SOX5: variants seen among roughly 807,000 people sequenced by gnomAD.
The protein encoded by SOX5 is transcription factor SOX-5.
Under a neutral mutation model 92.0 loss-of-function variants are expected in SOX5, and 9 were observed. That is an observed-to-expected ratio of 0.10 (90% confidence interval 0.06 to 0.17). SOX5 has a LOEUF of 0.17. Ranked by LOEUF, SOX5 falls within the 10% of genes least tolerant of loss-of-function variation. The pLI is 1.00. For synonymous variants in SOX5, 344 were observed against 336.3 expected (o/e 1.02, Z -0.25); for missense variants, 642 against 944.5 (o/e 0.68, Z 4.20).
At chr12:23,863,562 A>G (rs1357982068) in intron 2 of SOX5, among the ~76,000 whole-genome samples, 3 of 152,138 alleles carry the variant, frequency 2.0e-5, no homozygotes, top group Non-Finnish European at 4.4e-5. Context: ...TTTTAATTTT[A>G]CTAACCTTAC....
At chr12:23,650,275 G>C (rs1411942248) in intron 7 of SOX5, among the ~76,000 whole-genome samples, 1 of 152,132 alleles carries the variant, frequency 6.6e-6, no homozygotes, top group African/African-American at 2.4e-5. Context: ...TTACTGAGGT[G>C]TCTCTTAAAA....
At chr12:24,469,915 G>C (rs11047464) in intron 1 of SOX5, among the ~76,000 whole-genome samples, 1 of 151,872 alleles carries the variant, frequency 6.6e-6, no homozygotes, top group Non-Finnish European at 1.5e-5. Flanking sequence ...GGCTGGAAGC[G>C]GTAAGCAAAT....
chr12:23,806,915 A>G (rs1299308952), intron 3 of SOX5, among the ~76,000 whole-genome samples: 2 of 152,168 alleles, frequency 1.3e-5, no homozygotes, highest in African/African-American at 4.8e-5. Context: ...ACAAGGAAGA[A>G]GAGTGTGTTT....
At chr12:23,583,450 CAAT>C (rs1950306606) in intron 9 of SOX5, among the ~76,000 whole-genome samples, 2 of 152,026 alleles carry the variant, frequency 1.3e-5, no homozygotes, top group African/African-American at 4.8e-5. Flanking sequence ...CTCGTGTCAA[CAAT>C]AATGTGTGAT....
At chr12:24,085,314 A>G (rs940129680) in intron 4 of SOX5, among the ~76,000 whole-genome samples, 2 of 152,068 alleles carry the variant, frequency 1.3e-5, no homozygotes, top group African/African-American at 4.8e-5. Context: ...GGACTCTGCT[A>G]TATGTGCCCC....
chr12:23,787,333 T>C (rs1055746138), intron 3 of SOX5, among the ~76,000 whole-genome samples: 5 of 151,998 alleles, frequency 3.3e-5, no homozygotes, highest in Non-Finnish European at 4.4e-5. Context: ...TCGTCTGCTC[T>C]GTGAACAAAC....
At chr12:24,212,042 T>A (rs1958673020) in intron 4 of SOX5, among the ~76,000 whole-genome samples, 1 of 152,152 alleles carries the variant, frequency 6.6e-6, no homozygotes, top group Non-Finnish European at 1.5e-5. Context: ...CATTGAAGAG[T>A]GGTTCTTAAC....
rs1357977449 is a variant in SOX5 at position 23,540,317 on chromosome 12, G to A, written c.1771+2894C>T. On this transcript the variant is annotated intron_variant, in intron 13 of 14. Coordinates refer to ENST00000451604, the MANE Select transcript of SOX5 (RefSeq NM_006940.6). ...ACCAGCATGGCACATGTATACATAT[G>A]TAACTAACCTGCACATGGTGGACAT... Among the ~76,000 whole-genome samples, 5 of 150,502 alleles carry A rather than the reference G, an allele frequency of 3.3e-5. No individual in the cohort carries two copies. The East Asian group carries it at 7.8e-4, about 23-fold the overall frequency.
At chr12:24,167,586 T>C (rs1953566367) in intron 4 of SOX5, among the ~76,000 whole-genome samples, 1 of 152,234 alleles carries the variant, frequency 6.6e-6, no homozygotes, top group African/African-American at 2.4e-5. Context: ...CTAAGAATTC[T>C]ACTTGAGAAT....
intron 3 of SOX5, among the ~76,000 whole-genome samples, chr12:23,843,761 A>C (rs2096544947): frequency 6.6e-6 from 1 of 151,654 alleles, no homozygotes; most frequent in African/African-American, 2.4e-5. Flanking sequence ...ACGGGGTTTC[A>C]CCATGTTGGC....
rs1418661805 is a variant in SOX5 at position 23,543,317 on chromosome 12, G to A, written c.1665C>T (p.His555=). 3 of 1,613,674 alleles carry A rather than the reference G, an allele frequency of 1.9e-6. No individual in the cohort carries two copies. Among genetic ancestry groups the A allele is most frequent in the East Asian group, 4.5e-5 (2 of 44,870 alleles). ...ESRGRGSNEP[H]IKRPMNAFMV... ...TGAAGGCATTCATTGGACGCTTTAT[G>A]TGGGGTTCATTGCTACCACGCCCTC... is the stretch of plus-strand genomic sequence containing the variant. Residue 555 remains histidine, a synonymous_variant, in exon 13 of 15, where the codon CAC becomes CAT. Transcript: ENST00000451604.
intron 6 of SOX5, among the ~76,000 whole-genome samples, chr12:23,673,692 C>A (rs1368218958): frequency 6.6e-6 from 1 of 151,672 alleles, no homozygotes; most frequent in Non-Finnish European, 1.5e-5. Context: ...ATAAAAATGG[C>A]AGTATTCTTA....
chr12:23,616,287 A>G (rs1258792056), intron 8 of SOX5, among the ~76,000 whole-genome samples: 1 of 152,224 alleles, frequency 6.6e-6, no homozygotes, highest in South Asian at 2.1e-4. Context: ...GATGGAAAGA[A>G]TTCTCCGCTA....
chr12:23,575,029 T>C (rs1948903906), intron 10 of SOX5, among the ~76,000 whole-genome samples: 1 of 152,210 alleles, frequency 6.6e-6, no homozygotes, highest in Admixed American at 6.5e-5. Flanking sequence ...CAAATATCAA[T>C]AAACCTGTGT....
At position 23,744,930 on chromosome 12, in the gene SOX5, CAT is replaced by C. The variant is rs145205466; in HGVS notation, c.569-3893_569-3892del. Among the ~76,000 whole-genome samples, 380 of 152,260 alleles carry C rather than the reference CAT, an allele frequency of 2.5e-3. 11 individuals carry two copies. In the East Asian group the frequency reaches 0.067, roughly 27 times the overall value. ...TTGGCTTGCAGATGTCTGTCTTCTCCATATGTGTTCACATCGTCTCGGTCTGT... is the reference window on the plus strand; with the variant it reads ...TTGGCTTGCAGATGTCTGTCTTCTCCATGTGTTCACATCGTCTCGGTCTGT... On this transcript the variant is annotated intron_variant, in intron 4 of 14. Transcript: ENST00000451604.
chr12:23,764,818 A>C (rs2094664792), intron 3 of SOX5, among the ~76,000 whole-genome samples: 1 of 152,078 alleles, frequency 6.6e-6, no homozygotes, highest in Admixed American at 6.6e-5. Flanking sequence ...TTATGACAGA[A>C]TGTTTTACCA....
chr12:23,790,725 C>T (rs1451601179), intron 3 of SOX5, among the ~76,000 whole-genome samples: 1 of 152,048 alleles, frequency 6.6e-6, no homozygotes, highest in African/African-American at 2.4e-5. Context: ...TCCTAAATAC[C>T]TGTGATTGTC....
intron 4 of SOX5, among the ~76,000 whole-genome samples, chr12:24,061,752 A>AC (rs1263806334): frequency 1.7e-5 from 2 of 119,614 alleles, no homozygotes; most frequent in South Asian, 6.7e-4. Flanking sequence ...CAGAAAAAAA[A>AC]AAAAAAAAAA....
intron 1 of SOX5, among the ~76,000 whole-genome samples, chr12:24,469,638 A>G (rs1036664573): frequency 2.0e-5 from 3 of 152,196 alleles, no homozygotes; most frequent in Non-Finnish European, 2.9e-5. Context: ...AAATCCCCAG[A>G]TATGTGCAAC....
Sources: allele counts gnomAD v4.1 joint callset (sites outside exome capture counted in the v4.1 genomes callset), GRCh38; gene constraint gnomAD v4.1.1; transcripts MANE v1.5; gene names NCBI Gene and HGNC (gene_info 2026-07-23, HGNC 2026-07-21).